Variants in PCYT1B observed in about 807,000 individuals in gnomAD.
The protein encoded by PCYT1B is choline-phosphate cytidylyltransferase B.
In PCYT1B, 10 loss-of-function variants were observed where a neutral mutation model predicts 26.4. That is an observed-to-expected ratio of 0.38 (90% CI 0.23 to 0.64). The LOEUF is 0.64. Ranked by LOEUF, PCYT1B falls within the 30% of genes least tolerant of loss-of-function variation. The pLI is 0.56. For missense variants in PCYT1B, 161 were observed against 292.7 expected, an observed-to-expected ratio of 0.55 and a Z score of 3.28; for synonymous variants, 131 against 108.4, an observed-to-expected ratio of 1.21 and a Z score of -1.29.
At chrX:24,598,928 G>C (rs2148240738) in intron 3 of PCYT1B, among the ~76,000 whole-genome samples, 1 of 111,946 alleles carries the variant, frequency 8.9e-6, no homozygotes, top group South Asian at 3.7e-4. Flanking sequence ...CTGTAGCCCT[G>C]AGATTTTGTT....
chrX:24,631,773 C>T (rs1216581868), intron 1 of PCYT1B, among the ~76,000 whole-genome samples: 1 of 111,944 alleles, frequency 8.9e-6, no homozygotes, highest in Non-Finnish European at 1.9e-5. Context: ...TGAGGCCAGC[C>T]TGGCCAACAT....
At chrX:24,643,560 T>C (rs1926529188) in intron 1 of PCYT1B, among the ~76,000 whole-genome samples, 1 of 112,114 alleles carries the variant, frequency 8.9e-6, no homozygotes, top group South Asian at 3.7e-4. Context: ...GTTATTTCTT[T>C]TCTAATTTCT....
chrX:24,648,395 T>C, upstream of PCYT1B, among the ~76,000 whole-genome samples: 1 of 107,976 alleles, frequency 9.3e-6, no homozygotes, highest in East Asian at 2.9e-4. Context: ...ATCCTCATTT[T>C]ACAGGTATTC....
intron 1 of PCYT1B, among the ~76,000 whole-genome samples, chrX:24,653,751 A>C (rs1001932001): frequency 9.1e-6 from 1 of 110,312 alleles, no homozygotes; most frequent in African/African-American, 3.3e-5. Context: ...CCCACCATAA[A>C]ATTCTTTTTT....
At chrX:24,568,698 G>A (rs762638390) in intron 7 of PCYT1B, among the ~76,000 whole-genome samples, 1 of 112,037 alleles carries the variant, frequency 8.9e-6, no homozygotes, top group South Asian at 3.8e-4. Flanking sequence ...CACCTACCCA[G>A]AGAGTGACCC....
intron 1 of PCYT1B, among the ~76,000 whole-genome samples, chrX:24,628,915 G>A (rs1240887683): frequency 8.9e-6 from 1 of 111,835 alleles, no homozygotes; most frequent in Non-Finnish European, 1.9e-5. Context: ...ACATTTTAAA[G>A]ATAAATATTT....
chrX:24,567,695 T>C (rs1262060222), intron 7 of PCYT1B, among the ~76,000 whole-genome samples: 2 of 111,502 alleles, frequency 1.8e-5, no homozygotes, highest in Non-Finnish European at 3.8e-5. Context: ...TCATGCCTGT[T>C]ATTCCAGCAC....
At chrX:24,562,598 C>A in intron 7 of PCYT1B, 93 bp from the exon 8 acceptor site, 1 of 759,529 alleles carries the variant, frequency 1.3e-6, no homozygotes, top group South Asian at 2.4e-5. Flanking sequence ...AGCCACTACC[C>A]CAAAACTCCT....
chrX:24,588,908 A>G (rs1924462124), intron 4 of PCYT1B, among the ~76,000 whole-genome samples: 1 of 111,232 alleles, frequency 9.0e-6, no homozygotes, highest in South Asian at 3.8e-4. Context: ...TATTATTATT[A>G]TTATTATTAA....
At chrX:24,663,846 G>C (rs1307656006) in intron 1 of PCYT1B, among the ~76,000 whole-genome samples, 1 of 111,253 alleles carries the variant, frequency 9.0e-6, no homozygotes, top group South Asian at 3.8e-4. Flanking sequence ...TTGAACTCGG[G>C]AGGTGGAGGT....
At chrX:24,635,266 T>C (rs1340959733) in intron 1 of PCYT1B, among the ~76,000 whole-genome samples, 1 of 112,063 alleles carries the variant, frequency 8.9e-6, no homozygotes, top group Non-Finnish European at 1.9e-5. Flanking sequence ...TTCTTCATGC[T>C]ACAGTAAAAC....
At chrX:24,619,557 C>T (rs778219682) in intron 1 of PCYT1B, among the ~76,000 whole-genome samples, 42 of 111,974 alleles carry the variant, frequency 3.8e-4, no homozygotes, top group African/African-American at 1.3e-3. Flanking sequence ...TTTAGACTCA[C>T]CCACACCCAG....
chrX:24,607,624 A>AT lies in PCYT1B; in HGVS notation c.334+120dup, dbSNP rs755384380. On this transcript the variant is annotated intron_variant, in intron 3 of 7. Transcript: ENST00000379144. ...TCAGGCAGTGAACAAGCGAGCCAGT[A>AT]TGGGCTGAATTGGAAGCATTAACAA... is the stretch of plus-strand genomic sequence containing the variant. The AT allele has an allele frequency of 7.8e-5, 35 of 451,555 alleles. No homozygotes were observed. The South Asian group carries it at 7.8e-4, about 10-fold the overall frequency. 37.2% of individuals were successfully genotyped at this position (451,555 alleles called of 1,213,427 possible).
chrX:24,579,475 G>A lies in PCYT1B; in HGVS notation c.566-17C>T, dbSNP rs1442375289. 2.5e-6 allele frequency: 3 copies of A among 1,198,835 alleles called. No homozygotes were observed. Among genetic ancestry groups the A allele is most frequent in the Non-Finnish European group, 2.3e-6 (2 of 885,011 alleles). ...CGAACATCCCTGTTCAAGTAGAAAA[G>A]AGCGGATAGAGGAAAAATTAAGATC... On this transcript the variant is annotated splice_polypyrimidine_tract_variant and intron_variant, in intron 5 of 7. Transcript: ENST00000379144.
At chrX:24,609,954 A>G (rs1925257566) in intron 2 of PCYT1B, among the ~76,000 whole-genome samples, 1 of 110,332 alleles carries the variant, frequency 9.1e-6, no homozygotes, top group Non-Finnish European at 1.9e-5. Context: ...TTAGCCAGAT[A>G]TGGTGGTAGG....
intron 3 of PCYT1B, among the ~76,000 whole-genome samples, chrX:24,593,428 CTTTCCTTTCTTT>C (rs1924642250): frequency 1.3e-5 from 1 of 78,403 alleles, no homozygotes; most frequent in Admixed American, 1.4e-4. Flanking sequence ...CTCTTTCTTT[CTTTCCTTTCTTT>C]CTTTCTTTTC....
chrX:24,654,100 C>CT lies in PCYT1B; in HGVS notation c.63+18469dup, dbSNP rs35924266. On this transcript the variant is annotated intron_variant, in intron 1 of 7. Coordinates refer to the PCYT1B transcript ENST00000379145. ...CCACGTTTCTTTTCTTTCTTTCTTT[C>CT]TTTTTTTTTTTTTTTTTTTTGAGAT... 5.3e-3 allele frequency among the ~76,000 whole-genome samples: 175 copies of CT among 33,052 alleles called. 2 individuals are homozygous for CT. Among genetic ancestry groups the CT allele is most frequent in the East Asian group, 0.042 (23 of 544 alleles). 28.7% of individuals were successfully genotyped at this position (33,052 alleles called of 115,157 possible).
At chrX:24,594,100 G>GAT (rs1273746132) in intron 3 of PCYT1B, among the ~76,000 whole-genome samples, 1 of 111,114 alleles carries the variant, frequency 9.0e-6, no homozygotes, top group African/African-American at 3.3e-5. Flanking sequence ...GTGGGGCCCA[G>GAT]ATAGCTCTGT....
chrX:24,626,726 A>C (rs746298536), intron 1 of PCYT1B, among the ~76,000 whole-genome samples: 1 of 111,924 alleles, frequency 8.9e-6, no homozygotes, highest in Admixed American at 9.5e-5. Context: ...GGAATATTTA[A>C]AACTCATTTG....
Sources: allele counts gnomAD v4.1 joint callset (sites outside exome capture counted in the v4.1 genomes callset), GRCh38; gene constraint gnomAD v4.1.1; transcripts MANE v1.5; gene names NCBI Gene and HGNC (gene_info 2026-07-23, HGNC 2026-07-21).